The following DPP8 variants were observed in gnomAD, a reference collection of about 807,000 sequenced individuals.
DPP8 encodes dipeptidyl peptidase 8, also known as DPP VIII.
A neutral mutation model predicts 107.5 loss-of-function variants in DPP8; 31 were observed. The ratio of observed to expected loss-of-function variants is 0.29; its 90% CI spans 0.22 to 0.39. The LOEUF is 0.39. DPP8 is among the 10% of genes least tolerant of loss of function. The pLI, the probability that DPP8 is intolerant of heterozygous loss-of-function variation, is 1.00. For synonymous variants in DPP8, 381 were observed against 356.6 expected (o/e 1.07, Z -0.77); for missense variants, 842 against 1,076.1 (o/e 0.78, Z 3.04).
chr15:65,486,388 C>CAA (rs1236055821), intron 7 of DPP8, among the ~76,000 whole-genome samples: 5 of 133,762 alleles, frequency 3.7e-5, no homozygotes, highest in African/African-American at 1.4e-4. Context: ...GGTGACAGAG[C>CAA]AAAAAAAAAA....
chr15:65,492,418 T>C (rs966150306), intron 5 of DPP8, among the ~76,000 whole-genome samples: 4 of 152,036 alleles, frequency 2.6e-5, no homozygotes, highest in Non-Finnish European at 5.9e-5. Context: ...ATATGGCTGG[T>C]TAGTGTGGTA....
intron 7 of DPP8, among the ~76,000 whole-genome samples, chr15:65,487,126 A>G (rs1233712290): frequency 6.6e-6 from 1 of 152,166 alleles, no homozygotes; most frequent in Non-Finnish European, 1.5e-5. Context: ...TCACTTAAAA[A>G]TCTGTATTTG....
chr15:65,450,376 G>A (rs561677098), intron 19 of DPP8, among the ~76,000 whole-genome samples: 4 of 152,210 alleles, frequency 2.6e-5, no homozygotes, highest in African/African-American at 4.8e-5. Context: ...GTAGGTAAAG[G>A]TGTCCTGAAA....
At chr15:65,499,062 A>C (rs558280770) in intron 4 of DPP8, among the ~76,000 whole-genome samples, 1,488 of 124,170 alleles carry the variant, frequency 0.012, 19 homozygotes, top group South Asian at 0.057. Context: ...TCTCCCCCCC[A>C]AAAAAAAAGT....
At chr15:65,460,632 C>T (rs954645614) in intron 15 of DPP8, among the ~76,000 whole-genome samples, 12 of 152,166 alleles carry the variant, frequency 7.9e-5, no homozygotes, top group Non-Finnish European at 1.5e-4. Context: ...CCTCTAGGTT[C>T]ATCAGTGTTA....
At chr15:65,490,396 C>T in intron 5 of DPP8, 97 bp from the exon 6 acceptor site, 1 of 774,440 alleles carries the variant, frequency 1.3e-6, no homozygotes. Flanking sequence ...GGCTGGAATA[C>T]AGTGGTAAAC....
chr15:65,479,735 T>C lies in DPP8; in HGVS notation c.1296+487A>G, dbSNP rs535299416. On this transcript the variant is annotated intron_variant, in intron 10 of 19. Coordinates refer to ENST00000300141, the MANE Select transcript of DPP8 (RefSeq NM_130434.5). ...GGCGGGCGCCTGTAGTCCCAGCTAC[T>C]CGGGAGGCTGAGGCAGGAGAATGGC... Among the ~76,000 whole-genome samples, 201 of 151,030 alleles carry C rather than the reference T, an allele frequency of 1.3e-3. 1 individual carries two copies. Among genetic ancestry groups the C allele is most frequent in the African/African-American group, 4.7e-3 (192 of 41,094 alleles).
chr15:65,492,028 G>A (rs1165292782), intron 5 of DPP8, among the ~76,000 whole-genome samples: 4 of 141,740 alleles, frequency 2.8e-5, no homozygotes, highest in South Asian at 5.3e-4. Context: ...CACCACGCCC[G>A]GCCACATTAT....
chr15:65,458,324 G>A (rs2064618230), intron 15 of DPP8, among the ~76,000 whole-genome samples: 1 of 152,174 alleles, frequency 6.6e-6, no homozygotes, highest in Admixed American at 6.5e-5. Flanking sequence ...GCAATGGCGT[G>A]ATCTCGGCCC....
chr15:65,504,619 A>G (rs914719501), intron 3 of DPP8, among the ~76,000 whole-genome samples: 3 of 146,232 alleles, frequency 2.1e-5, no homozygotes, highest in Non-Finnish European at 4.5e-5. Flanking sequence ...CAGTGAGCTG[A>G]GAACGCGCCA....
At chr15:65,507,921 G>C (rs772666741) in intron 2 of DPP8, among the ~76,000 whole-genome samples, 3 of 152,166 alleles carry the variant, frequency 2.0e-5, no homozygotes, top group South Asian at 2.1e-4. Context: ...AGATCTAACT[G>C]AATTCTAGTT....
At chr15:65,457,380 C>T (rs1040121066) in intron 15 of DPP8, among the ~76,000 whole-genome samples, 3 of 145,344 alleles carry the variant, frequency 2.1e-5, no homozygotes, top group Non-Finnish European at 4.6e-5. Context: ...AAAAGTCATA[C>T]TTTTTTTTTT....
At chr15:65,482,183 G>A (rs1276575952) in intron 8 of DPP8, among the ~76,000 whole-genome samples, 2 of 151,260 alleles carry the variant, frequency 1.3e-5, no homozygotes, top group African/African-American at 4.9e-5. Context: ...CAGGTAAGGT[G>A]TGTGCTTGTA....
chr15:65,454,455 T>G, intron 16 of DPP8, 40 bp from the exon 17 acceptor site: 1 of 1,548,322 alleles, frequency 6.5e-7, no homozygotes, highest in Non-Finnish European at 8.7e-7. Flanking sequence ...TTCTGATGAA[T>G]AAAAGTCTCG....
rs1188322997 is a variant in DPP8 at position 65,480,366 on chromosome 15, A to C, written c.1152T>G (p.Thr384=). 32 of 1,613,420 alleles carry C rather than the reference A, an allele frequency of 2.0e-5. No individual in the cohort carries two copies. ...GTGAGATCAACACTATCTGTAGGCG[A>C]GTCTGGGAGCGATCTAGTAGGATGG... ...AWSILLDRSQ[T]RLQIVLISPE... The change falls in exon 10 of 20, where the codon ACT becomes ACG. Residue 384 remains threonine, a synonymous_variant. Transcript: ENST00000300141.
At chr15:65,496,415 T>C (rs899777844) in intron 5 of DPP8, among the ~76,000 whole-genome samples, 1 of 152,202 alleles carries the variant, frequency 6.6e-6, no homozygotes, top group African/African-American at 2.4e-5. Flanking sequence ...ATCTTCATTA[T>C]GGTACTTAAA....
chr15:65,498,117 T>C, intron 4 of DPP8, 85 bp from the exon 5 acceptor site: 1 of 1,092,838 alleles, frequency 9.2e-7, no homozygotes, highest in South Asian at 2.4e-5. Context: ...GAACAATATT[T>C]CTAGGTAAAA....
chr15:65,476,238 A>C (rs2066379811), intron 11 of DPP8, among the ~76,000 whole-genome samples: 1 of 152,190 alleles, frequency 6.6e-6, no homozygotes, highest in Non-Finnish European at 1.5e-5. Flanking sequence ...ACGTAAGTTT[A>C]AAAAAATATT....
chr15:65,503,544 G>A (rs949816288), intron 3 of DPP8, among the ~76,000 whole-genome samples: 1 of 151,906 alleles, frequency 6.6e-6, no homozygotes, highest in African/African-American at 2.4e-5. Context: ...TGGCTCATGC[G>A]ATTCTCCTGC....
Sources: gnomAD v4.1 joint callset for allele counts (sites outside exome capture counted in the v4.1 genomes callset) on GRCh38, gnomAD v4.1.1 for gene constraint, MANE v1.5 for transcripts, NCBI Gene and HGNC (gene_info 2026-07-23, HGNC 2026-07-21) for gene names.